The following DTL variants were observed in gnomAD, a reference collection of about 807,000 sequenced individuals.
The protein encoded by DTL is denticleless E3 ubiquitin protein ligase adapter.
Under a neutral mutation model 87.0 loss-of-function variants are expected in DTL, and 46 were observed. The ratio of observed to expected loss-of-function variants is 0.53; its 90% CI spans 0.42 to 0.68. The LOEUF is 0.68. Ranked by LOEUF, DTL falls within the 30% of genes least tolerant of loss-of-function variation. The pLI is 0.00. For missense variants in DTL, 737 were observed against 869.4 expected, an observed-to-expected ratio of 0.85 and a Z score of 1.91; for synonymous variants, 308 against 311.2, an observed-to-expected ratio of 0.99 and a Z score of 0.11.
chr1:212,041,164 G>A (rs1337102274), intron 1 of DTL, among the ~76,000 whole-genome samples: 1 of 152,144 alleles, frequency 6.6e-6, no homozygotes, highest in East Asian at 1.9e-4. Flanking sequence ...AGCTTAGGGT[G>A]GTTCATCAGT....
At chr1:212,058,155 A>G (rs536576610) in intron 5 of DTL, among the ~76,000 whole-genome samples, 3 of 152,278 alleles carry the variant, frequency 2.0e-5, no homozygotes, top group Admixed American at 2.0e-4. Flanking sequence ...AGCGTTAGAC[A>G]GATATCTAGA....
At chr1:212,062,996 A>G (rs974261452) in intron 6 of DTL, 47 bp downstream of exon 6, 10 of 1,443,632 alleles carry the variant, frequency 6.9e-6, no homozygotes, top group African/African-American at 4.2e-5. Context: ...ATTACCCTGT[A>G]CTTAATTTTG....
chr1:212,086,574 G>A (rs1478446514), intron 13 of DTL, among the ~76,000 whole-genome samples: 1 of 146,630 alleles, frequency 6.8e-6, no homozygotes, highest in Non-Finnish European at 1.5e-5. Context: ...ATTTTTTGTA[G>A]AGATGGGGTT....
At chr1:212,069,218 T>C (rs1473282840) in intron 10 of DTL, among the ~76,000 whole-genome samples, 1 of 151,946 alleles carries the variant, frequency 6.6e-6, no homozygotes, top group African/African-American at 2.4e-5. Flanking sequence ...AATAAATAAA[T>C]GATAGTTTTA....
chr1:212,047,520 T>C, intron 5 of DTL, 103 bp downstream of exon 5: 2 of 1,414,802 alleles, frequency 1.4e-6, no homozygotes, highest in Non-Finnish European at 1.9e-6. Context: ...AGTTACTGCT[T>C]TACCTACATA....
At chr1:212,064,834 C>T (rs749885698) in intron 6 of DTL, 83 bp from the exon 7 acceptor site, 144 of 1,132,410 alleles carry the variant, frequency 1.3e-4, no homozygotes, top group Non-Finnish European at 1.8e-4. Context: ...TCAAAAATTA[C>T]TTAATATTGA....
At chr1:212,091,962 C>G (rs1396160417) in intron 13 of DTL, among the ~76,000 whole-genome samples, 1 of 152,156 alleles carries the variant, frequency 6.6e-6, no homozygotes, top group Non-Finnish European at 1.5e-5. Context: ...ATAGTGATCT[C>G]TCCTTTTTTA....
At chr1:212,043,774 G>A (rs771507502) in intron 2 of DTL, among the ~76,000 whole-genome samples, 23 of 149,320 alleles carry the variant, frequency 1.5e-4, no homozygotes, top group Admixed American at 2.7e-4. Context: ...AGGTTGCAGT[G>A]AGCCAAGATC....
At chr1:212,067,191 A>G (rs17018421) in intron 8 of DTL, among the ~76,000 whole-genome samples, 4,203 of 152,332 alleles carry the variant, frequency 0.028, 148 homozygotes, top group East Asian at 0.12. Context: ...CTTATGCAAT[A>G]TAATTTAGTC....
chr1:212,100,327 C>G lies in DTL; in HGVS notation c.1337C>G (p.Ser446Ter). 2 of 1,613,110 alleles carry G rather than the reference C, an allele frequency of 1.2e-6. No homozygotes were observed. The highest frequency in any genetic ancestry group is 1.7e-6 in the Non-Finnish European group (2 of 1,179,634). The change falls in exon 14 of 15, where the codon TCA becomes TGA. Residue 446 changes from serine to a stop codon, truncating the protein, a stop_gained. Coordinates refer to ENST00000366991, the MANE Select transcript of DTL (RefSeq NM_016448.4). LOFTEE classifies it high-confidence loss of function. The part of the protein sequence containing the change: ...AKCNPSNSSP[S>*]SAACAPSCAG... The stretch of plus-strand genomic sequence containing the variant: ...TGCAATCCATCCAATTCTTCCCCGT[C>G]ATCCGCAGCTTGTGCCCCAAGCTGT...
intron 2 of DTL, among the ~76,000 whole-genome samples, chr1:212,043,737 A>G (rs1207497019): frequency 6.6e-6 from 1 of 151,514 alleles, no homozygotes; most frequent in Non-Finnish European, 1.5e-5. Context: ...TGCTGAGACA[A>G]GAGACTCACT....
intron 5 of DTL, among the ~76,000 whole-genome samples, chr1:212,054,982 A>T (rs1668123035): frequency 6.6e-6 from 1 of 152,186 alleles, no homozygotes; most frequent in Non-Finnish European, 1.5e-5. Context: ...AAAAGTGCTG[A>T]ATTAGATGAA....
At chr1:212,099,220 TTTTGTTTGTTTG>T (rs138191220) in intron 13 of DTL, among the ~76,000 whole-genome samples, 11 of 151,256 alleles carry the variant, frequency 7.3e-5, no homozygotes, top group Admixed American at 2.0e-4. Flanking sequence ...TCACACTGTT[TTTTGTTTGTTTG>T]TTTGTTTGTT....
chr1:212,087,406 C>T (rs1360094459), intron 13 of DTL, among the ~76,000 whole-genome samples: 3 of 152,044 alleles, frequency 2.0e-5, no homozygotes, highest in South Asian at 2.1e-4. Context: ...AAAAATTAGC[C>T]GGGCATGGTG....
chr1:212,072,083 G>GT lies in DTL; in HGVS notation c.923-11dup, dbSNP rs1558082535. On this transcript the variant is annotated splice_polypyrimidine_tract_variant and intron_variant, in intron 10 of 14. Transcript: ENST00000366991. ...GAAATAACAAGAGCCAAGTAATTTG[G>GT]TTTTTTTCCTCTGGCAGTGGCTATT... 10 of 1,596,586 alleles carry GT rather than the reference G, an allele frequency of 6.3e-6. No individual in the cohort carries two copies. The highest frequency in any genetic ancestry group is 3.3e-5 in the Admixed American group (2 of 59,880).
rs1461941029 is a variant in DTL, at chr1:212,103,003, A to G, written c.*63A>G. 3.1e-6 allele frequency: 3 copies of G among 962,788 alleles called. No homozygotes were observed. The highest frequency in any genetic ancestry group is 4.8e-6 in the Non-Finnish European group (3 of 628,820). 59.6% of individuals were successfully genotyped at this position (962,788 alleles called of 1,614,324 possible). On this transcript the variant is annotated 3_prime_UTR_variant, in exon 15 of 15. Transcript: ENST00000366991. ...AAAACAAGCTGAGCTTTGGTCCACTAAAACAAGATGAAAAATACAAGAGTG... is the reference window on the plus strand; with the variant it reads ...AAAACAAGCTGAGCTTTGGTCCACTGAAACAAGATGAAAAATACAAGAGTG...
chr1:212,055,824 T>C (rs1668156004), intron 5 of DTL, among the ~76,000 whole-genome samples: 1 of 152,120 alleles, frequency 6.6e-6, no homozygotes, highest in Non-Finnish European at 1.5e-5. Flanking sequence ...CTAGCCTGGC[T>C]TCATACACGC....
Position 212,035,837 on chromosome 1 carries a change from C to G in DTL, c.-54C>G, listed in dbSNP as rs1558066522. On this transcript the variant is annotated 5_prime_UTR_variant, in exon 1 of 15. Transcript: ENST00000366991. ...GGCGCAAGCTGCGATTTCTGCTGAA[C>G]TTGGAGGCATTTCTACGACTTTTCT... 3 of 1,567,492 alleles carry G rather than the reference C, an allele frequency of 1.9e-6. No individual in the cohort carries two copies. Among genetic ancestry groups the G allele is most frequent in the East Asian group, 2.2e-5 (1 of 44,538 alleles).
chr1:212,067,926 A>G (rs561426836), intron 8 of DTL, among the ~76,000 whole-genome samples: 2 of 152,336 alleles, frequency 1.3e-5, no homozygotes, highest in Admixed American at 1.3e-4. Flanking sequence ...TTCTAAAAAC[A>G]ATGGAACAAT....
Sources: gnomAD v4.1 joint callset for allele counts (sites outside exome capture counted in the v4.1 genomes callset) on GRCh38, gnomAD v4.1.1 for gene constraint, MANE v1.5 for transcripts, NCBI Gene and HGNC (gene_info 2026-07-23, HGNC 2026-07-21) for gene names.